Variants in GABRG3 observed in about 807,000 individuals in gnomAD.
GABRG3 encodes the protein gamma-aminobutyric acid receptor subunit gamma-3.
Under a neutral mutation model 48.8 loss-of-function variants are expected in GABRG3, and 25 were observed. That is an observed-to-expected ratio of 0.51 (90% confidence interval 0.37 to 0.72). The LOEUF (loss-of-function observed/expected upper bound fraction) is 0.72. GABRG3 is among the 30% of genes least tolerant of loss of function. The pLI is 0.00. For synonymous variants in GABRG3, 227 were observed against 217.6 expected, an observed-to-expected ratio of 1.04 and a Z score of -0.38; for missense variants, 394 against 577.9, an observed-to-expected ratio of 0.68 and a Z score of 3.26.
chr15:27,205,481 T>A (rs1490427726), intron 3 of GABRG3, among the ~76,000 whole-genome samples: 1 of 152,096 alleles, frequency 6.6e-6, no homozygotes, highest in Admixed American at 6.6e-5. Flanking sequence ...AGATTTTTCA[T>A]CTATGTTCAT....
chr15:27,308,645 C>T (rs191648732), intron 3 of GABRG3, among the ~76,000 whole-genome samples: 1,614 of 148,492 alleles, frequency 0.011, 30 homozygotes, highest in African/African-American at 0.037. Flanking sequence ...TGTAAACATA[C>T]GCTTATGTAT....
chr15:27,487,884 T>C (rs59002868), intron 6 of GABRG3, among the ~76,000 whole-genome samples: 13,598 of 152,198 alleles, frequency 0.089, 1,032 homozygotes, highest in African/African-American at 0.21. Flanking sequence ...TACATGCTTT[T>C]TTGATGACAC....
chr15:27,480,351 C>T (rs72707657), intron 5 of GABRG3, among the ~76,000 whole-genome samples: 9,658 of 152,198 alleles, frequency 0.063, 339 homozygotes, highest in Middle Eastern at 0.15. Context: ...CCTCGAAGGC[C>T]GACGGCAGCT....
chr15:27,439,022 C>A (rs1053086679), intron 5 of GABRG3, among the ~76,000 whole-genome samples: 1 of 152,148 alleles, frequency 6.6e-6, no homozygotes, highest in Non-Finnish European at 1.5e-5. Context: ...CTGGGGAGAG[C>A]TGAATACCTG....
Position 27,158,801 on chromosome 15 carries a change from T to C in GABRG3, c.270+131980T>C, listed in dbSNP as rs185654547. On this transcript the variant is annotated intron_variant, in intron 3 of 9. Transcript: ENST00000615808. ...ATGTCATGTGGGGAATACCTCCTTATTAGGTGAACACATCTTACAGCTGAA... is the reference window on the plus strand; with the variant it reads ...ATGTCATGTGGGGAATACCTCCTTACTAGGTGAACACATCTTACAGCTGAA... Among the ~76,000 whole-genome samples the C allele has an allele frequency of 2.6e-3, 403 of 152,362 alleles. 3 individuals are homozygous for C. The highest frequency in any genetic ancestry group is 4.3e-3 in the South Asian group (21 of 4,828).
At chr15:27,091,606 T>A (rs1007472668) in intron 3 of GABRG3, among the ~76,000 whole-genome samples, 3 of 152,212 alleles carry the variant, frequency 2.0e-5, no homozygotes, top group African/African-American at 7.2e-5. Context: ...TTTTCTTTGC[T>A]GGAAAGTTTT....
chr15:27,281,241 C>A (rs1460656578), intron 3 of GABRG3, among the ~76,000 whole-genome samples: 1 of 152,080 alleles, frequency 6.6e-6, no homozygotes, highest in Non-Finnish European at 1.5e-5. Flanking sequence ...TAAATGCATT[C>A]TACCAATATC....
At chr15:27,322,149 G>A (rs897359030) in intron 3 of GABRG3, among the ~76,000 whole-genome samples, 8 of 152,214 alleles carry the variant, frequency 5.3e-5, no homozygotes, top group Non-Finnish European at 7.3e-5. Flanking sequence ...GTAAGTTTAT[G>A]AGAGAAATAA....
intron 5 of GABRG3, among the ~76,000 whole-genome samples, chr15:27,391,040 A>T (rs1340364771): frequency 6.6e-6 from 1 of 151,884 alleles, no homozygotes. Flanking sequence ...GTGAGCCAAG[A>T]TCACACCATT....
At chr15:26,993,436 A>G (rs977283342) in intron 2 of GABRG3, among the ~76,000 whole-genome samples, 9 of 151,838 alleles carry the variant, frequency 5.9e-5, no homozygotes, top group Non-Finnish European at 8.8e-5. Context: ...AAGTTTTTCA[A>G]TTTTCTTCTT....
At chr15:27,390,913 A>T (rs1036194043) in intron 5 of GABRG3, among the ~76,000 whole-genome samples, 1 of 152,114 alleles carries the variant, frequency 6.6e-6, no homozygotes, top group Non-Finnish European at 1.5e-5. Flanking sequence ...ACATGGTGCA[A>T]TGCCATCTCT....
Position 26,997,066 on chromosome 15 carries a change from T to G in GABRG3, c.202+19916T>G, listed in dbSNP as rs149029388. Among the ~76,000 whole-genome samples the G allele has an allele frequency of 6.0e-4, 91 of 152,314 alleles. No homozygotes were observed. In the East Asian group the frequency reaches 0.014, roughly 23 times the overall value. Reference sequence around the variant, plus strand: ...TTTTCTATTGATTTATCCACAAGTTTGATGATCCTTTCTTCTGCCAGCTCA... The same window carrying G: ...TTTTCTATTGATTTATCCACAAGTTGGATGATCCTTTCTTCTGCCAGCTCA... On this transcript the variant is annotated intron_variant, in intron 2 of 9. Coordinates refer to ENST00000615808, the MANE Select transcript of GABRG3 (RefSeq NM_033223.5).
rs115608239 is a variant in GABRG3 at position 27,274,064 on chromosome 15, C to T, written c.271-52745C>T. On this transcript the variant is annotated intron_variant, in intron 3 of 9. Transcript: ENST00000615808. ...CCGTGTGGATCCTTCCATAGGCTGC[C>T]TGAGCTTCCTGACAACATGGCGGTC... Among the ~76,000 whole-genome samples the T allele has an allele frequency of 8.8e-3, 1,341 of 152,172 alleles. 12 individuals are homozygous for T. Among genetic ancestry groups the T allele is most frequent in the African/African-American group, 0.031 (1,270 of 41,508 alleles).
intron 2 of GABRG3, 67 bp from the exon 3 acceptor site, chr15:27,026,687 C>A: frequency 8.6e-7 from 1 of 1,163,574 alleles, no homozygotes. Context: ...GACTTTAGGA[C>A]TTGAATGTGC....
chr15:27,522,437 T>TAA (rs139517124), intron 7 of GABRG3, among the ~76,000 whole-genome samples: 1 of 151,464 alleles, frequency 6.6e-6, no homozygotes, highest in African/African-American at 2.4e-5. Flanking sequence ...CGGTGAAGTT[T>TAA]AAAAAAAACT....
intron 3 of GABRG3, chr15:27,208,684 C>T (rs1888960997): frequency 6.6e-6 from 1 of 152,586 alleles, no homozygotes; most frequent in Admixed American, 6.5e-5. Flanking sequence ...AAGGGGGAGT[C>T]TGGCAGGCCC....
At chr15:27,147,001 G>A (rs192583759) in intron 3 of GABRG3, among the ~76,000 whole-genome samples, 1 of 152,084 alleles carries the variant, frequency 6.6e-6, no homozygotes, top group Non-Finnish European at 1.5e-5. Flanking sequence ...TGGCAGAACG[G>A]CTTTTAAAAA....
intron 5 of GABRG3, among the ~76,000 whole-genome samples, chr15:27,449,191 C>T (rs1236518839): frequency 1.3e-5 from 2 of 152,190 alleles, no homozygotes; most frequent in African/African-American, 2.4e-5. Context: ...GAGCTGTAGC[C>T]TTTCCAACAG....
intron 3 of GABRG3, among the ~76,000 whole-genome samples, chr15:27,103,901 C>T (rs1897404001): frequency 6.6e-6 from 1 of 152,174 alleles, no homozygotes; most frequent in Admixed American, 6.5e-5. Flanking sequence ...CAAATGACTG[C>T]CTTGTAAATG....
Sources: allele counts gnomAD v4.1 joint callset (sites outside exome capture counted in the v4.1 genomes callset), GRCh38; gene constraint gnomAD v4.1.1; transcripts MANE v1.5; gene names NCBI Gene and HGNC (gene_info 2026-07-23, HGNC 2026-07-21).